The following BTAF1 variants were observed in gnomAD, a reference collection of about 807,000 sequenced individuals.
The protein encoded by BTAF1 is TATA-binding protein-associated factor 172.
BTAF1 carries 38 observed loss-of-function variants against 227.1 expected under a neutral mutation model. The ratio of observed to expected loss-of-function variants is 0.17; its 90% CI spans 0.13 to 0.22. The LOEUF (loss-of-function observed/expected upper bound fraction) is 0.22, where lower values mean the gene tolerates loss of function less well. Ranked by LOEUF, BTAF1 falls within the 10% of genes least tolerant of loss-of-function variation. BTAF1 has a pLI of 1.00. For missense variants in BTAF1, 1,598 were observed against 2,204.0 expected, an observed-to-expected ratio of 0.73 and a Z score of 5.51; for synonymous variants, 742 against 751.9, an observed-to-expected ratio of 0.99 and a Z score of 0.21.
At chr10:92,003,678 C>T (rs1849700050) in intron 25 of BTAF1, among the ~76,000 whole-genome samples, 1 of 152,214 alleles carries the variant, frequency 6.6e-6, no homozygotes, top group African/African-American at 2.4e-5. Flanking sequence ...GATTCCAAAT[C>T]TCAGCTATTG....
intron 21 of BTAF1, among the ~76,000 whole-genome samples, chr10:91,992,596 G>A (rs1250160549): frequency 6.6e-6 from 1 of 152,132 alleles, no homozygotes; most frequent in African/African-American, 2.4e-5. Flanking sequence ...AATAGTGAAA[G>A]CTAACTTTTC....
intron 1 of BTAF1, among the ~76,000 whole-genome samples, chr10:91,933,818 T>C (rs1376343192): frequency 6.6e-6 from 1 of 152,226 alleles, no homozygotes; most frequent in Non-Finnish European, 1.5e-5. Flanking sequence ...TCAAGCAGTT[T>C]ATTTTCTCAG....
intron 5 of BTAF1, among the ~76,000 whole-genome samples, chr10:91,952,330 T>C (rs1192401941): frequency 6.6e-6 from 1 of 152,206 alleles, no homozygotes; most frequent in Non-Finnish European, 1.5e-5. Flanking sequence ...TTTCTTCCTC[T>C]TCCTCTATTC....
In BTAF1 at chr10:91,963,350, C is replaced by A. The variant is rs1164326949; in HGVS notation, c.1404+672C>A. Reference sequence around the variant, plus strand: ...AGGAGAATGGCGTGAACCCGGGAGGCAGAGCTTGCAGTGAGCCAAGATCGC... The same window carrying A: ...AGGAGAATGGCGTGAACCCGGGAGGAAGAGCTTGCAGTGAGCCAAGATCGC... On this transcript the variant is annotated intron_variant, in intron 12 of 37. Transcript: ENST00000265990. 2.0e-5 allele frequency among the ~76,000 whole-genome samples: 3 copies of A among 149,918 alleles called. No homozygotes were observed. In the South Asian group the frequency reaches 6.3e-4, roughly 31 times the overall value.
At chr10:92,010,773 C>G (rs1213085616) in intron 28 of BTAF1, among the ~76,000 whole-genome samples, 1 of 152,198 alleles carries the variant, frequency 6.6e-6, no homozygotes, top group African/African-American at 2.4e-5. Flanking sequence ...GTAGTTCCCC[C>G]ACATCACCTA....
intron 13 of BTAF1, among the ~76,000 whole-genome samples, chr10:91,964,621 G>A (rs993400927): frequency 1.3e-5 from 2 of 151,682 alleles, no homozygotes; most frequent in Non-Finnish European, 2.9e-5. Flanking sequence ...TAATGTTCAT[G>A]TCTTCAACTC....
At chr10:91,950,158 C>CG (rs1187763232) in intron 4 of BTAF1, among the ~76,000 whole-genome samples, 1 of 45,058 alleles carries the variant, frequency 2.2e-5, no homozygotes, top group Non-Finnish European at 3.7e-5. Flanking sequence ...TGGGGGGGGG[C>CG]GGGAAAGAAG....
intron 25 of BTAF1, among the ~76,000 whole-genome samples, chr10:92,006,697 A>C (rs1441722632): frequency 6.6e-6 from 1 of 152,228 alleles, no homozygotes; most frequent in Non-Finnish European, 1.5e-5. Flanking sequence ...CAACAAGTTA[A>C]TGTGAGTTGT....
intron 25 of BTAF1, among the ~76,000 whole-genome samples, 184 bp from the exon 26 acceptor site, chr10:92,007,939 G>C (rs1415676642): frequency 6.6e-6 from 1 of 152,206 alleles, no homozygotes; most frequent in Non-Finnish European, 1.5e-5. Flanking sequence ...TATTCCATAT[G>C]TATTTACTAG....
Position 91,951,565 on chromosome 10 carries a change from C to G in BTAF1, c.563C>G (p.Pro188Arg), listed in dbSNP as rs762383165. The change falls in exon 5 of 38, where the codon CCT becomes CGT. Residue 188 changes from proline (P) to arginine (R), a missense_variant and splice_region_variant. Pro to Arg is a moderately radical substitution (Grantham distance 103). This residue lies in a region of BTAF1 where 298 missense variants were observed against 395.2 expected (regional missense o/e 0.75). Coordinates refer to ENST00000265990, the MANE Select transcript of BTAF1 (RefSeq NM_003972.3). ...PTSASFVNKQ[P>R]TLQAAELIDS... ...TCAGCATCCTTTGTTAACAAACAACCTGTAGGTAAAACGTTTGGTTATTTG... is the reference window on the plus strand; with the variant it reads ...TCAGCATCCTTTGTTAACAAACAACGTGTAGGTAAAACGTTTGGTTATTTG... 1.9e-6 allele frequency: 3 copies of G among 1,584,262 alleles called. No individual in the cohort carries two copies. Among genetic ancestry groups the G allele is most frequent in the Non-Finnish European group, 8.6e-7 (1 of 1,169,588 alleles).
At chr10:91,987,757 CTT>C (rs2134007215) in intron 19 of BTAF1, among the ~76,000 whole-genome samples, 1 of 152,196 alleles carries the variant, frequency 6.6e-6, no homozygotes, top group African/African-American at 2.4e-5. Context: ...TGCTCTATCT[CTT>C]ATCTCCTCAT....
intron 1 of BTAF1, among the ~76,000 whole-genome samples, chr10:91,924,771 T>C (rs915410178): frequency 2.6e-5 from 4 of 152,186 alleles, no homozygotes; most frequent in Non-Finnish European, 5.9e-5. Flanking sequence ...GACATTTATT[T>C]GTATAGCTAT....
Position 91,942,570 on chromosome 10 carries a change from T to G in BTAF1, c.400+2T>G. On this transcript the variant is annotated splice_donor_variant, in intron 4 of 37. Coordinates refer to ENST00000265990, the MANE Select transcript of BTAF1 (RefSeq NM_003972.3). LOFTEE classifies it high-confidence loss of function. Reference sequence around the variant, plus strand: ...TTGAAGTCCAAGATGAAAAATCAGGTCTGTAGTGGTTCTGAGAAGAAAGTC... The same window carrying G: ...TTGAAGTCCAAGATGAAAAATCAGGGCTGTAGTGGTTCTGAGAAGAAAGTC... 1 of 1,613,870 alleles carries G rather than the reference T, an allele frequency of 6.2e-7. No individual in the cohort carries two copies. The highest frequency in any genetic ancestry group is 8.5e-7 in the Non-Finnish European group (1 of 1,179,942).
intron 5 of BTAF1, among the ~76,000 whole-genome samples, chr10:91,953,216 G>A (rs1845883452): frequency 1.3e-5 from 2 of 152,168 alleles, no homozygotes; most frequent in Admixed American, 1.3e-4. Flanking sequence ...CTAACGCACA[G>A]ACTTTATAGT....
intron 1 of BTAF1, among the ~76,000 whole-genome samples, chr10:91,929,079 C>G: frequency 6.6e-6 from 1 of 152,122 alleles, no homozygotes; most frequent in East Asian, 1.9e-4. Context: ...CCCTAAAGTG[C>G]TGGGATTACT....
At chr10:91,948,051 C>T (rs1301238844) in intron 4 of BTAF1, among the ~76,000 whole-genome samples, 3 of 151,950 alleles carry the variant, frequency 2.0e-5, no homozygotes, top group East Asian at 3.9e-4. Flanking sequence ...GGTACATGTG[C>T]ACAACGTGCA....
At chr10:91,932,311 G>A (rs980557472) in intron 1 of BTAF1, among the ~76,000 whole-genome samples, 1 of 152,122 alleles carries the variant, frequency 6.6e-6, no homozygotes, top group Non-Finnish European at 1.5e-5. Flanking sequence ...GTACTGCTGT[G>A]CTGATCTTTT....
intron 4 of BTAF1, among the ~76,000 whole-genome samples, chr10:91,949,419 C>A (rs1228696039): frequency 2.0e-5 from 3 of 152,162 alleles, no homozygotes; most frequent in Non-Finnish European, 2.9e-5. Flanking sequence ...GTTACATTTT[C>A]TTTTCTTTGC....
intron 36 of BTAF1, 109 bp from the exon 37 acceptor site, chr10:92,027,021 C>A: frequency 8.4e-7 from 1 of 1,190,266 alleles, no homozygotes; most frequent in Non-Finnish European, 1.2e-6. Flanking sequence ...AATAAAAATC[C>A]AACCCTAATT....
Sources: gnomAD v4.1 joint callset for allele counts (sites outside exome capture counted in the v4.1 genomes callset) on GRCh38, gnomAD v4.1.1 for gene constraint, gnomAD v4.1.1 regional missense constraint, MANE v1.5 for transcripts, NCBI Gene and HGNC (gene_info 2026-07-23, HGNC 2026-07-21) for gene names.